The following VIT variants were observed in gnomAD, a reference collection of about 807,000 sequenced individuals.
The protein encoded by VIT is vitrin.
Under a neutral mutation model 78.0 loss-of-function variants are expected in VIT, and 99 were observed. The observed-to-expected ratio is 1.27, with a 90% CI of 1.08 to 1.50. The LOEUF (loss-of-function observed/expected upper bound fraction) is 1.50, where lower values mean the gene tolerates loss of function less well. Among genes scored for constraint, VIT ranks in the 40% most tolerant of loss-of-function variants. The pLI is 0.00. For synonymous variants in VIT, 374 were observed against 334.3 expected, an observed-to-expected ratio of 1.12 and a Z score of -1.29; for missense variants, 1,126 against 875.3, an observed-to-expected ratio of 1.29 and a Z score of -3.61.
At chr2:36,712,522 A>T (rs557636042) in intron 1 of VIT, among the ~76,000 whole-genome samples, 15 of 152,182 alleles carry the variant, frequency 9.9e-5, no homozygotes, top group Middle Eastern at 3.4e-3. Context: ...TATAATTCAC[A>T]TACCATAAAA....
At chr2:36,774,529 G>C (rs923834646) in intron 8 of VIT, 1 of 985,402 alleles carries the variant, frequency 1.0e-6, no homozygotes, top group Non-Finnish European at 1.2e-6. Flanking sequence ...TCAGAAGCAG[G>C]TCTTCTCCCT....
intron 7 of VIT, among the ~76,000 whole-genome samples, chr2:36,771,001 G>C (rs1669716555): frequency 6.6e-6 from 1 of 152,234 alleles, no homozygotes; most frequent in African/African-American, 2.4e-5. Context: ...GGCAGGAAGA[G>C]AGGCCAGCAT....
chr2:36,760,058 G>A (rs768661059), intron 6 of VIT, among the ~76,000 whole-genome samples: 2 of 150,652 alleles, frequency 1.3e-5, no homozygotes, highest in African/African-American at 2.4e-5. Flanking sequence ...GCAGTGGTGC[G>A]ATCTCAGCTC....
chr2:36,786,179 T>C (rs1043827770), intron 11 of VIT, among the ~76,000 whole-genome samples: 7 of 152,086 alleles, frequency 4.6e-5, no homozygotes, highest in Non-Finnish European at 7.4e-5. Context: ...TTTTTTTTTT[T>C]CCTATATGGA....
At chr2:36,713,946 A>C (rs551107473) in intron 1 of VIT, among the ~76,000 whole-genome samples, 1 of 152,256 alleles carries the variant, frequency 6.6e-6, no homozygotes, top group African/African-American at 2.4e-5. Flanking sequence ...ATACAAAAAA[A>C]GTCCCTGTTA....
chr2:36,722,500 T>C (rs576238389), intron 2 of VIT, among the ~76,000 whole-genome samples: 48 of 152,252 alleles, frequency 3.2e-4, no homozygotes, highest in Non-Finnish European at 6.5e-4. Context: ...TTCTGATTTA[T>C]TTGATGCTAA....
chr2:36,716,840 A>G (rs1286550381), intron 2 of VIT, among the ~76,000 whole-genome samples: 2 of 148,564 alleles, frequency 1.3e-5, no homozygotes, highest in Non-Finnish European at 3.0e-5. Context: ...TACCTATAGC[A>G]TTAGCAACTC....
chr2:36,719,434 A>C (rs1185492046), intron 2 of VIT, among the ~76,000 whole-genome samples: 1 of 152,220 alleles, frequency 6.6e-6, no homozygotes, highest in African/African-American at 2.4e-5. Context: ...AGAAAGCCCT[A>C]AAGACTCCAC....
chr2:36,807,352 TC>T (rs1238786476), intron 14 of VIT, among the ~76,000 whole-genome samples: 2 of 151,638 alleles, frequency 1.3e-5, no homozygotes, highest in South Asian at 2.1e-4. Context: ...CTGTGTTCAG[TC>T]CAGCTAGTCT....
chr2:36,735,219 A>G (rs937280231), intron 3 of VIT, among the ~76,000 whole-genome samples: 3 of 152,158 alleles, frequency 2.0e-5, no homozygotes, highest in African/African-American at 7.2e-5. Flanking sequence ...GGGTCTTACA[A>G]AGAAGAAAAA....
At chr2:36,795,283 AG>A (rs77561442) in intron 12 of VIT, among the ~76,000 whole-genome samples, 10 of 146,492 alleles carry the variant, frequency 6.8e-5, no homozygotes, top group South Asian at 2.2e-4. Flanking sequence ...GTGGGGAAAA[AG>A]AATGGAGTCA....
At chr2:36,787,565 T>C (rs1362036942) in intron 12 of VIT, among the ~76,000 whole-genome samples, 1 of 152,258 alleles carries the variant, frequency 6.6e-6, no homozygotes, top group Admixed American at 6.5e-5. Flanking sequence ...GTGTGAGTGT[T>C]AACTTAGCCA....
chr2:36,774,498 T>C (rs1572516344), intron 8 of VIT: 1 of 985,416 alleles, frequency 1.0e-6, no homozygotes. Flanking sequence ...CCATTCCCTC[T>C]GAAGCCACAG....
intron 12 of VIT, among the ~76,000 whole-genome samples, chr2:36,791,881 A>C (rs1475526427): frequency 6.6e-6 from 1 of 152,152 alleles, no homozygotes; most frequent in Non-Finnish European, 1.5e-5. Context: ...CAGCAATAGG[A>C]AGCTAATACA....
chr2:36,791,130 T>G (rs1034963770), intron 12 of VIT, among the ~76,000 whole-genome samples: 1 of 152,210 alleles, frequency 6.6e-6, no homozygotes, highest in African/African-American at 2.4e-5. Context: ...AAGGGAACTG[T>G]TGGTTTTTTC....
chr2:36,734,638 C>T (rs540941759), intron 3 of VIT, among the ~76,000 whole-genome samples: 3 of 152,306 alleles, frequency 2.0e-5, no homozygotes, highest in Admixed American at 6.5e-5. Context: ...GGCTTGAAAA[C>T]GCCTGCCATT....
At chr2:36,753,134 C>CT (rs2148544224) in intron 4 of VIT, among the ~76,000 whole-genome samples, 1 of 151,418 alleles carries the variant, frequency 6.6e-6, no homozygotes, top group East Asian at 1.9e-4. Context: ...CATGTTCTCA[C>CT]TTATACGTGG....
chr2:36,799,923 C>G (rs1040533962), intron 12 of VIT, among the ~76,000 whole-genome samples: 2 of 151,760 alleles, frequency 1.3e-5, no homozygotes, highest in African/African-American at 4.8e-5. Flanking sequence ...TGACACGCAC[C>G]GGTAGTCCCA....
chr2:36,786,992 A>C, intron 11 of VIT, 137 bp from the exon 12 acceptor site: 1 of 1,073,764 alleles, frequency 9.3e-7, no homozygotes. Context: ...AAATAAATAT[A>C]CCCTGCATCT....
Sources: gnomAD v4.1 joint callset for allele counts (sites outside exome capture counted in the v4.1 genomes callset) on GRCh38, gnomAD v4.1.1 for gene constraint, MANE v1.5 for transcripts, NCBI Gene and HGNC (gene_info 2026-07-23, HGNC 2026-07-21) for gene names.